INPP4B: variants seen among roughly 807,000 people sequenced by gnomAD.
INPP4B encodes inositol polyphosphate 4-phosphatase type II.
In INPP4B, 55 loss-of-function variants were observed where a neutral mutation model predicts 122.5. The ratio of observed to expected loss-of-function variants is 0.45; its 90% CI spans 0.36 to 0.56. INPP4B has a LOEUF of 0.56. INPP4B is among the 20% of genes least tolerant of loss of function. INPP4B has a pLI of 0.00. For missense variants in INPP4B, 1,000 were observed against 1,097.7 expected (o/e 0.91, Z 1.26); for synonymous variants, 403 against 388.7 (o/e 1.04, Z -0.43).
chr4:142,246,700 A>T (rs1194273764), intron 11 of INPP4B, among the ~76,000 whole-genome samples: 7 of 152,178 alleles, frequency 4.6e-5, no homozygotes, highest in African/African-American at 1.7e-4. Flanking sequence ...TTTGGGGCTA[A>T]GTCGATGGGG....
intron 2 of INPP4B, among the ~76,000 whole-genome samples, chr4:142,597,902 C>T (rs1739052851): frequency 1.3e-5 from 2 of 152,110 alleles, no homozygotes; most frequent in Non-Finnish European, 2.9e-5. Flanking sequence ...GTAGAATTGT[C>T]ACTATTCTAG....
At chr4:142,671,084 A>T (rs1160944165) in intron 2 of INPP4B, among the ~76,000 whole-genome samples, 3 of 152,192 alleles carry the variant, frequency 2.0e-5, no homozygotes, top group African/African-American at 7.2e-5. Flanking sequence ...GAAGATAATT[A>T]TTTCTAGGGC....
At chr4:142,821,047 T>C (rs1474559886) in intron 1 of INPP4B, among the ~76,000 whole-genome samples, 1 of 152,156 alleles carries the variant, frequency 6.6e-6, no homozygotes, top group Admixed American at 6.6e-5. Context: ...ATTTTATCTG[T>C]CTCCTGCATT....
At chr4:142,299,928 G>GA (rs1400069531) in intron 9 of INPP4B, among the ~76,000 whole-genome samples, 1 of 151,822 alleles carries the variant, frequency 6.6e-6, no homozygotes, top group Non-Finnish European at 1.5e-5. Context: ...ATATTGATAG[G>GA]AAAAAATGCC....
At chr4:142,495,517 T>A (rs1822432359) in intron 2 of INPP4B, among the ~76,000 whole-genome samples, 1 of 152,020 alleles carries the variant, frequency 6.6e-6, no homozygotes, top group Non-Finnish European at 1.5e-5. Context: ...ATGGCAAATA[T>A]ATATATATAT....
intron 2 of INPP4B, among the ~76,000 whole-genome samples, chr4:142,677,491 G>T (rs534960754): frequency 5.9e-4 from 89 of 152,098 alleles, no homozygotes; most frequent in Non-Finnish European, 9.6e-4. Flanking sequence ...TCCCATTACC[G>T]TGTAATACCC....
chr4:142,576,409 T>A (rs535732765), intron 2 of INPP4B, among the ~76,000 whole-genome samples: 1 of 152,040 alleles, frequency 6.6e-6, no homozygotes, highest in Non-Finnish European at 1.5e-5. Flanking sequence ...ATCATAGATA[T>A]GTCTTTCTAC....
At chr4:142,613,222 C>T (rs1320126785) in intron 2 of INPP4B, among the ~76,000 whole-genome samples, 1 of 152,200 alleles carries the variant, frequency 6.6e-6, no homozygotes, top group Non-Finnish European at 1.5e-5. Flanking sequence ...GATACAATTC[C>T]ATCTAGTTTA....
intron 9 of INPP4B, among the ~76,000 whole-genome samples, chr4:142,280,995 T>G (rs1750929700): frequency 6.6e-6 from 1 of 152,040 alleles, no homozygotes; most frequent in Non-Finnish European, 1.5e-5. Flanking sequence ...GCAATATATT[T>G]ACCAAGCCAG....
At chr4:142,138,667 T>C (rs532405959) in intron 18 of INPP4B, among the ~76,000 whole-genome samples, 15 of 152,118 alleles carry the variant, frequency 9.9e-5, no homozygotes, top group Non-Finnish European at 1.9e-4. Flanking sequence ...TTAGGCAAAT[T>C]ACTTAACCCC....
At chr4:142,333,010 CAAA>C (rs1158290884) in intron 7 of INPP4B, among the ~76,000 whole-genome samples, 1 of 43,442 alleles carries the variant, frequency 2.3e-5, no homozygotes, top group Non-Finnish European at 5.1e-5. Context: ...GACTCCGTCT[CAAA>C]AAAAAAAAAA....
intron 14 of INPP4B, among the ~76,000 whole-genome samples, chr4:142,203,365 C>T (rs1841468064): frequency 6.6e-6 from 1 of 151,860 alleles, no homozygotes; most frequent in African/African-American, 2.4e-5. Flanking sequence ...AATTTTATAG[C>T]AAAATATAAT....
intron 2 of INPP4B, among the ~76,000 whole-genome samples, chr4:142,511,496 C>G (rs1441795473): frequency 6.6e-6 from 1 of 152,024 alleles, no homozygotes; most frequent in Non-Finnish European, 1.5e-5. Context: ...CATTACAGGT[C>G]GTGAGCTAAC....
chr4:142,070,761 C>T (rs910672935), intron 25 of INPP4B, among the ~76,000 whole-genome samples: 4 of 152,016 alleles, frequency 2.6e-5, no homozygotes, highest in Admixed American at 2.6e-4. Context: ...AATAAAATAC[C>T]TAGGAATCCA....
At position 142,399,189 on chromosome 4, in the gene INPP4B, C is replaced by T. The variant is rs1456908516; in HGVS notation, c.372+3749G>A. The stretch of plus-strand genomic sequence containing the variant: ...CTTTTCCTTTCTAAATTTCCTTTTG[C>T]TTTTTTTTTTTTTTTTTTTTTTTTT... On this transcript the variant is annotated intron_variant, in intron 7 of 25. Coordinates refer to ENST00000262992, the MANE Select transcript of INPP4B (RefSeq NM_001101669.3). Among the ~76,000 whole-genome samples the T allele has an allele frequency of 9.0e-4, 51 of 56,964 alleles. 1 individual carries two copies. Among genetic ancestry groups the T allele is most frequent in the South Asian group, 2.9e-3 (3 of 1,046 alleles). 37.4% of individuals were successfully genotyped at this position (56,964 alleles called of 152,430 possible).
intron 7 of INPP4B, among the ~76,000 whole-genome samples, chr4:142,341,877 A>C (rs1053489451): frequency 1.3e-5 from 2 of 152,106 alleles, no homozygotes; most frequent in Non-Finnish European, 2.9e-5. Flanking sequence ...AAAAGAGCTG[A>C]ATCTTGCCAA....
intron 2 of INPP4B, among the ~76,000 whole-genome samples, chr4:142,721,234 C>A (rs1391406637): frequency 6.6e-6 from 1 of 152,034 alleles, no homozygotes; most frequent in Non-Finnish European, 1.5e-5. Context: ...ACCCAATAGG[C>A]CTAATTTCTT....
At chr4:142,417,241 G>T (rs1472790213) in intron 5 of INPP4B, among the ~76,000 whole-genome samples, 2 of 152,224 alleles carry the variant, frequency 1.3e-5, no homozygotes, top group Non-Finnish European at 2.9e-5. Context: ...AAATTAAAAA[G>T]AACCTCTTCC....
chr4:142,182,480 G>A (rs1831272184), intron 15 of INPP4B, among the ~76,000 whole-genome samples: 1 of 148,228 alleles, frequency 6.7e-6, no homozygotes, highest in East Asian at 2.0e-4. Context: ...CCCGGGAGGC[G>A]GAGCTTGCAG....
Sources: allele counts gnomAD v4.1 joint callset (sites outside exome capture counted in the v4.1 genomes callset), GRCh38; gene constraint gnomAD v4.1.1; transcripts MANE v1.5; gene names NCBI Gene and HGNC (gene_info 2026-07-23, HGNC 2026-07-21).